Variants in TMEM132C observed in about 807,000 individuals in gnomAD.
TMEM132C encodes transmembrane protein 132C, also known as protein phosphatase 1, regulatory subunit 152.
TMEM132C carries 29 observed loss-of-function variants against 61.4 expected under a neutral mutation model. The ratio of observed to expected loss-of-function variants is 0.47; its 90% CI spans 0.35 to 0.64. TMEM132C has a LOEUF of 0.64. Ranked by LOEUF, TMEM132C falls within the 30% of genes least tolerant of loss-of-function variation. The pLI is 0.00. For missense variants in TMEM132C, 1,408 were observed against 1,476.9 expected, an observed-to-expected ratio of 0.95 and a Z score of 0.76; for synonymous variants, 656 against 633.1, an observed-to-expected ratio of 1.04 and a Z score of -0.54.
At chr12:128,467,969 A>G (rs1333464082) in intron 2 of TMEM132C, among the ~76,000 whole-genome samples, 3 of 152,222 alleles carry the variant, frequency 2.0e-5, no homozygotes, top group Non-Finnish European at 4.4e-5. Flanking sequence ...ATGTGAACCT[A>G]TGATAAACAT....
intron 1 of TMEM132C, among the ~76,000 whole-genome samples, chr12:128,329,087 T>C (rs1036961079): frequency 6.6e-6 from 1 of 152,178 alleles, no homozygotes; most frequent in Non-Finnish European, 1.5e-5. Context: ...GCCTGCTCTT[T>C]GAGTGACAAA....
intron 5 of TMEM132C, among the ~76,000 whole-genome samples, chr12:128,690,289 C>T (rs1954709941): frequency 6.6e-6 from 1 of 152,178 alleles, no homozygotes; most frequent in Admixed American, 6.6e-5. Context: ...AGAAACAAAG[C>T]CGAGGGACTA....
In TMEM132C at chr12:128,505,051, C is replaced by T. The variant is rs1593077502; in HGVS notation, c.975-38906C>T. ...ACTGAATATCTCATAGCCCTGGCAC[C>T]CTTGTCAGTGTTAGAGAGCCCTAGT... On this transcript the variant is annotated intron_variant, in intron 2 of 8. Coordinates refer to ENST00000435159, the MANE Select transcript of TMEM132C (RefSeq NM_001136103.3). Among the ~76,000 whole-genome samples the T allele has an allele frequency of 2.9e-5, 4 of 136,276 alleles. 1 individual carries two copies. The South Asian group carries it at 1.0e-3, about 35-fold the overall frequency. 89.4% of individuals were successfully genotyped at this position (136,276 alleles called of 152,430 possible).
chr12:128,389,375 G>A (rs1269149259), intron 1 of TMEM132C, among the ~76,000 whole-genome samples: 1 of 152,168 alleles, frequency 6.6e-6, no homozygotes, highest in Non-Finnish European at 1.5e-5. Flanking sequence ...GACAGACGGG[G>A]ACAGATAGGG....
chr12:128,508,965 A>C (rs745641988), intron 2 of TMEM132C, among the ~76,000 whole-genome samples: 1 of 152,170 alleles, frequency 6.6e-6, no homozygotes, highest in African/African-American at 2.4e-5. Flanking sequence ...AGGAAGGCCC[A>C]TGACTGTTTG....
intron 3 of TMEM132C, among the ~76,000 whole-genome samples, chr12:128,559,148 C>T (rs1874428492): frequency 6.6e-6 from 1 of 150,898 alleles, no homozygotes; most frequent in East Asian, 1.9e-4. Flanking sequence ...GACACACACA[C>T]AAACACATAC....
intron 1 of TMEM132C, among the ~76,000 whole-genome samples, chr12:128,279,565 T>G (rs561919454): frequency 6.6e-6 from 1 of 152,126 alleles, no homozygotes; most frequent in African/African-American, 2.4e-5. Flanking sequence ...AACCCCACAC[T>G]CTGCTCCAGT....
intron 1 of TMEM132C, among the ~76,000 whole-genome samples, chr12:128,360,042 G>A (rs959777087): frequency 1.3e-5 from 2 of 152,092 alleles, no homozygotes; most frequent in African/African-American, 2.4e-5. Context: ...GGGTTTGGAG[G>A]TTGTGCCTGC....
chr12:128,528,046 G>A (rs1873151926), intron 2 of TMEM132C, among the ~76,000 whole-genome samples: 1 of 152,188 alleles, frequency 6.6e-6, no homozygotes, highest in African/African-American at 2.4e-5. Context: ...GCTGATACTG[G>A]CAATATTAAT....
intron 4 of TMEM132C, among the ~76,000 whole-genome samples, chr12:128,660,179 C>A (rs1245712442): frequency 6.6e-6 from 1 of 152,090 alleles, no homozygotes; most frequent in African/African-American, 2.4e-5. Context: ...AGAGAGGTGG[C>A]AGGTGTGGTG....
chr12:128,381,781 G>A (rs1410257840), intron 1 of TMEM132C, among the ~76,000 whole-genome samples: 1 of 152,188 alleles, frequency 6.6e-6, no homozygotes, highest in Non-Finnish European at 1.5e-5. Flanking sequence ...AGTGCCAGTG[G>A]CAAGACACAA....
At chr12:128,399,296 C>G (rs1353370502) in intron 1 of TMEM132C, among the ~76,000 whole-genome samples, 4 of 152,176 alleles carry the variant, frequency 2.6e-5, no homozygotes, top group Non-Finnish European at 4.4e-5. Context: ...TCATAAAGAA[C>G]AGGAATGGTG....
intron 3 of TMEM132C, among the ~76,000 whole-genome samples, chr12:128,556,570 C>T (rs1440816416): frequency 1.3e-5 from 2 of 152,186 alleles, no homozygotes; most frequent in Non-Finnish European, 2.9e-5. Context: ...TCTCTACTCT[C>T]CCATGAACAG....
intron 2 of TMEM132C, among the ~76,000 whole-genome samples, chr12:128,434,732 AGCT>A (rs1464735195): frequency 6.6e-6 from 1 of 152,060 alleles, no homozygotes; most frequent in Admixed American, 6.5e-5. Flanking sequence ...CCTCCCAAGT[AGCT>A]GGGACTACAG....
At chr12:128,629,219 TA>T (rs370792588) in intron 4 of TMEM132C, among the ~76,000 whole-genome samples, 3 of 151,364 alleles carry the variant, frequency 2.0e-5, no homozygotes, top group Admixed American at 6.6e-5. Flanking sequence ...ATCTTAAGAA[TA>T]AAAAAAAACC....
At chr12:128,323,196 G>A (rs926090416) in intron 1 of TMEM132C, among the ~76,000 whole-genome samples, 1 of 152,208 alleles carries the variant, frequency 6.6e-6, no homozygotes, top group Admixed American at 6.5e-5. Flanking sequence ...AAATATTTCA[G>A]TGAGGTCCTG....
Position 128,460,071 on chromosome 12 carries a change from A to G in TMEM132C, c.974+44451A>G, listed in dbSNP as rs141537501. Among the ~76,000 whole-genome samples the G allele has an allele frequency of 3.7e-4, 56 of 152,272 alleles. No homozygotes were observed. The East Asian group carries it at 9.3e-3, about 25-fold the overall frequency. ...TTAGTAGTTAACAAATTTGGAGATT[A>G]CTAGTCAGAATTTCCCAGTGAATTC... On this transcript the variant is annotated intron_variant, in intron 2 of 8. Transcript: ENST00000435159.
At chr12:128,573,614 A>T (rs1401933656) in intron 3 of TMEM132C, among the ~76,000 whole-genome samples, 2 of 151,798 alleles carry the variant, frequency 1.3e-5, no homozygotes, top group Non-Finnish European at 2.9e-5. Context: ...TTTTTTAAAA[A>T]TTTTAAAAAA....
chr12:128,395,537 C>T (rs976957809), intron 1 of TMEM132C, among the ~76,000 whole-genome samples: 4 of 152,304 alleles, frequency 2.6e-5, no homozygotes, highest in African/African-American at 9.6e-5. Context: ...TACACCTAAC[C>T]TATGAAACAT....
Sources: gnomAD v4.1 joint callset for allele counts (sites outside exome capture counted in the v4.1 genomes callset) on GRCh38, gnomAD v4.1.1 for gene constraint, MANE v1.5 for transcripts, NCBI Gene and HGNC (gene_info 2026-07-23, HGNC 2026-07-21) for gene names.